COL4A2: variants seen among roughly 807,000 people sequenced by gnomAD.
COL4A2 encodes the protein collagen type IV alpha 2 chain.
In COL4A2, 99 loss-of-function variants were observed where a neutral mutation model predicts 200.2. That is an observed-to-expected ratio of 0.49 (90% CI 0.42 to 0.58). COL4A2 has a LOEUF of 0.58. Among genes scored for constraint, COL4A2 ranks in the 20% least tolerant of loss-of-function variants. COL4A2 has a pLI of 0.00. For synonymous variants in COL4A2, 897 were observed against 900.6 expected, an observed-to-expected ratio of 1.00 and a Z score of 0.07; for missense variants, 1,950 against 2,314.1, an observed-to-expected ratio of 0.84 and a Z score of 3.23.
At chr13:110,398,625 G>A (rs1879263227) in intron 4 of COL4A2, among the ~76,000 whole-genome samples, 1 of 152,164 alleles carries the variant, frequency 6.6e-6, no homozygotes, top group Non-Finnish European at 1.5e-5. Flanking sequence ...CCCAGGAGGT[G>A]GAGGTTGCAG....
intron 4 of COL4A2, among the ~76,000 whole-genome samples, chr13:110,375,295 A>G (rs896263045): frequency 1.3e-5 from 2 of 152,188 alleles, no homozygotes; most frequent in Non-Finnish European, 1.5e-5. Flanking sequence ...AGCAGCTCCA[A>G]TGTGGCGATG....
At chr13:110,449,189 G>GA (rs1318785194) in intron 18 of COL4A2, among the ~76,000 whole-genome samples, 6 of 152,168 alleles carry the variant, frequency 3.9e-5, no homozygotes, top group Admixed American at 3.9e-4. Context: ...TTATAGTCTA[G>GA]AAAAAAGTGT....
intron 16 of COL4A2, among the ~76,000 whole-genome samples, chr13:110,444,163 C>T: frequency 6.6e-6 from 1 of 152,210 alleles, no homozygotes; most frequent in East Asian, 1.9e-4. Flanking sequence ...CTATAATGCC[C>T]AGTGCATTTC....
At chr13:110,351,321 T>C (rs909269758) in intron 3 of COL4A2, among the ~76,000 whole-genome samples, 1 of 152,192 alleles carries the variant, frequency 6.6e-6, no homozygotes, top group African/African-American at 2.4e-5. Context: ...GCGATCTGCC[T>C]GCCTGGGTCT....
At chr13:110,330,928 C>T (rs1875880537) in intron 3 of COL4A2, among the ~76,000 whole-genome samples, 1 of 152,148 alleles carries the variant, frequency 6.6e-6, no homozygotes, top group Admixed American at 6.5e-5. Context: ...GCCTTCCCCA[C>T]CACATTCCTC....
chr13:110,378,274 G>A (rs1160109050), intron 4 of COL4A2, among the ~76,000 whole-genome samples: 3 of 152,164 alleles, frequency 2.0e-5, no homozygotes, highest in African/African-American at 4.8e-5. Flanking sequence ...CAAATCATTT[G>A]TAAATAAAAC....
At position 110,464,208 on chromosome 13, in the gene COL4A2, C is replaced by T. The variant is rs183427155; in HGVS notation, c.1777-1197C>T. Among the ~76,000 whole-genome samples the T allele has an allele frequency of 3.9e-5, 6 of 152,286 alleles. No homozygotes were observed. The South Asian group carries it at 8.3e-4, about 21-fold the overall frequency. On this transcript the variant is annotated intron_variant, in intron 24 of 47. Transcript: ENST00000360467. ...CAGCCATGGGGTTCACCCACCCCTGCGGCTCCCAAGCCTGGCTGCCAGTCC... is the reference window on the plus strand; with the variant it reads ...CAGCCATGGGGTTCACCCACCCCTGTGGCTCCCAAGCCTGGCTGCCAGTCC...
intron 4 of COL4A2, among the ~76,000 whole-genome samples, chr13:110,364,911 T>C (rs1877677639): frequency 6.6e-6 from 1 of 152,242 alleles, no homozygotes; most frequent in Admixed American, 6.5e-5. Context: ...TCAGTTATCC[T>C]GTTCACTAGC....
At chr13:110,430,788 T>C in intron 10 of COL4A2, 181 bp downstream of exon 10, 1 of 920,948 alleles carries the variant, frequency 1.1e-6, no homozygotes, top group Non-Finnish European at 1.8e-6. Context: ...GCTGTTAAGG[T>C]TGAAGAATAA....
chr13:110,316,440 A>G (rs1244938491), intron 3 of COL4A2, among the ~76,000 whole-genome samples: 1 of 152,178 alleles, frequency 6.6e-6, no homozygotes, highest in East Asian at 1.9e-4. Flanking sequence ...GCAGCGATGC[A>G]GGCCCTGGAG....
chr13:110,357,509 A>G lies in COL4A2; in HGVS notation c.137A>G (p.Asp46Gly). ...KKFDVPCGGR[D>G]CSGGCQCYPE... ...TTTGATGTGCCGTGTGGAGGAAGAG[A>G]TTGCAGTGGGGGCTGCCAGTGCTAC... The change falls in exon 4 of 48, where the codon GAT becomes GGT. Residue 46 changes from aspartate (D) to glycine (G), a missense_variant. By Grantham distance (94) the Asp-to-Gly change is moderately conservative (BLOSUM62 -1). Coordinates refer to ENST00000360467, the MANE Select transcript of COL4A2 (RefSeq NM_001846.4). 1 of 1,594,942 alleles carries G rather than the reference A, an allele frequency of 6.3e-7. No individual in the cohort carries two copies. The highest frequency in any genetic ancestry group is 1.3e-5 in the African/African-American group (1 of 74,490).
At chr13:110,436,087 G>T in intron 12 of COL4A2, 182 bp from the exon 13 acceptor site, 1 of 855,360 alleles carries the variant, frequency 1.2e-6, no homozygotes. Context: ...ATGAAAGGAG[G>T]ATATAAAAAA....
At chr13:110,432,212 C>A in intron 10 of COL4A2, 113 bp from the exon 11 acceptor site, 1 of 1,338,304 alleles carries the variant, frequency 7.5e-7, no homozygotes, top group Non-Finnish European at 9.7e-7. Flanking sequence ...CTCCATGCAT[C>A]CTACACTGTG....
In COL4A2 at chr13:110,434,388, T is replaced by C; in HGVS notation, c.685-13T>C. The C allele has an allele frequency of 6.2e-7, 1 of 1,608,464 alleles. No individual in the cohort carries two copies. Among genetic ancestry groups the C allele is most frequent in the African/African-American group, 1.3e-5 (1 of 74,700 alleles). ...GGCTTTTTAAAACTTACAGAAATTA[T>C]TTATCTTTTCAGGGCAACAGAGGAC... On this transcript the variant is annotated splice_polypyrimidine_tract_variant and intron_variant, in intron 11 of 47. Transcript: ENST00000360467.
chr13:110,448,521 G>C (rs539333927), intron 18 of COL4A2, among the ~76,000 whole-genome samples: 5 of 152,230 alleles, frequency 3.3e-5, no homozygotes, highest in African/African-American at 9.6e-5. Flanking sequence ...CTAACCAGCA[G>C]ATTCCCTCAG....
intron 4 of COL4A2, among the ~76,000 whole-genome samples, chr13:110,396,532 A>G (rs1217903782): frequency 1.3e-5 from 2 of 152,174 alleles, no homozygotes; most frequent in Non-Finnish European, 2.9e-5. Flanking sequence ...GAGTGGTAGA[A>G]TCTGGCCATC....
At chr13:110,364,147 GC>G (rs1191153575) in intron 4 of COL4A2, among the ~76,000 whole-genome samples, 1 of 152,202 alleles carries the variant, frequency 6.6e-6, no homozygotes, top group Non-Finnish European at 1.5e-5. Context: ...GAAATCTCCA[GC>G]TTTTTACATG....
Position 110,384,931 on chromosome 13 carries a change from G to A in COL4A2, c.180+27379G>A, listed in dbSNP as rs116368690. 8.8e-3 allele frequency among the ~76,000 whole-genome samples: 1,333 copies of A among 152,308 alleles called. 18 individuals are homozygous for A. The highest frequency in any genetic ancestry group is 0.03 in the African/African-American group (1,234 of 41,546). ...AAAGAGGAGATGAGGGTACACTGTA[G>A]GGAAGAAGTGATATTCACAACTGAC... On this transcript the variant is annotated intron_variant, in intron 4 of 47. Transcript: ENST00000360467.
At chr13:110,469,453 C>A in intron 28 of COL4A2, 129 bp downstream of exon 28, 2 of 980,888 alleles carry the variant, frequency 2.0e-6, no homozygotes, top group Non-Finnish European at 3.0e-6. Flanking sequence ...ACAACTTTTG[C>A]ATTTGTCCTT....
Sources: allele counts gnomAD v4.1 joint callset (sites outside exome capture counted in the v4.1 genomes callset), GRCh38; gene constraint gnomAD v4.1.1; transcripts MANE v1.5; gene names NCBI Gene and HGNC (gene_info 2026-07-23, HGNC 2026-07-21).